CRABP2: variants seen among roughly 807,000 people sequenced by gnomAD.
CRABP2 encodes cellular retinoic acid binding protein 2.
A neutral mutation model predicts 17.9 loss-of-function variants in CRABP2; 20 were observed. The ratio of observed to expected loss-of-function variants is 1.12; its 90% confidence interval spans 0.79 to 1.63. CRABP2 has a LOEUF of 1.63. Among genes scored for constraint, CRABP2 ranks in the 40% most tolerant of loss-of-function variants. The pLI, the probability that CRABP2 is intolerant of heterozygous loss-of-function variation, is 0.00. For synonymous variants in CRABP2, 76 were observed against 66.4 expected (o/e 1.14, Z -0.70); for missense variants, 151 against 168.6 (o/e 0.90, Z 0.58).
chr1:156,702,168 A>T (rs1347792035), intron 1 of CRABP2, among the ~76,000 whole-genome samples: 1 of 151,558 alleles, frequency 6.6e-6, no homozygotes, highest in Non-Finnish European at 1.5e-5. Flanking sequence ...AAACAAAACA[A>T]AAGTCTGGGC....
At chr1:156,702,438 C>T (rs1174639759) in intron 1 of CRABP2, among the ~76,000 whole-genome samples, 3 of 151,470 alleles carry the variant, frequency 2.0e-5, no homozygotes, top group African/African-American at 7.3e-5. Flanking sequence ...GCCTGGGCGA[C>T]AAGGCGAGAC....
rs1304909861 is a variant in CRABP2 at position 156,700,608 on chromosome 1, G to A, written c.300C>T (p.Leu100=). ...SENKMVCEQK[L]LKGEGPKTSW... ...AGGTCTTGGGGCCCTCTCCCTTCAG[G>A]AGCTTCTGCTCACAGACCATTTTAT... is the stretch of plus-strand genomic sequence containing the variant. Residue 100 remains leucine (L), a synonymous_variant, in exon 3 of 4, where the codon CTC becomes CTT. Coordinates refer to ENST00000368222, the MANE Select transcript of CRABP2 (RefSeq NM_001878.4). The A allele has an allele frequency of 6.8e-6, 11 of 1,614,132 alleles. No individual in the cohort carries two copies. The highest frequency in any genetic ancestry group is 9.3e-6 in the Non-Finnish European group (11 of 1,180,006).
Position 156,705,531 on chromosome 1 carries a change from G to C in CRABP2, c.-85C>G. Reference sequence around the variant, plus strand: ...TTTAGTCAAAAGAGACGTCGCCGTCGCCGGGTCGTCAGGTTCTGGAACCAA... The same window carrying C: ...TTTAGTCAAAAGAGACGTCGCCGTCCCCGGGTCGTCAGGTTCTGGAACCAA... On this transcript the variant is annotated 5_prime_UTR_variant, in exon 1 of 4. Transcript: ENST00000368222. The surrounding 1 kb of genome is among the most constrained non-coding windows in gnomAD (Gnocchi z 5.2). The C allele has an allele frequency of 6.7e-7, 1 of 1,486,722 alleles. No homozygotes were observed. The highest frequency in any genetic ancestry group is 9.3e-7 in the Non-Finnish European group (1 of 1,073,576). 92.1% of individuals were successfully genotyped at this position (1,486,722 alleles called of 1,614,324 possible). A position where few individuals can be genotyped will look rare whatever the true frequency, so the allele number is the denominator to read the frequency against.
rs1415704676 is a variant in CRABP2, at chr1:156,699,855, A to G, written c.*171T>C. On this transcript the variant is annotated 3_prime_UTR_variant, in exon 4 of 4. Coordinates refer to ENST00000368222, the MANE Select transcript of CRABP2 (RefSeq NM_001878.4). ...TCTTTGTTGGTGTAGGGGAGGAGAG[A>G]AGAGGTCAAAGAAAGCAAGACCCTG... is the stretch of plus-strand genomic sequence containing the variant. 2 of 625,464 alleles carry G rather than the reference A, an allele frequency of 3.2e-6. No homozygotes were observed. The highest frequency in any genetic ancestry group is 5.6e-6 in the Non-Finnish European group (2 of 355,998). The allele number at this position is 625,464 out of a possible 1,614,324, so 38.7% of individuals were successfully genotyped here.
At position 156,699,843 on chromosome 1, in the gene CRABP2, A is replaced by T; in HGVS notation, c.*183T>A. On this transcript the variant is annotated 3_prime_UTR_variant, in exon 4 of 4. Transcript: ENST00000368222. ...TGCAGCCATTCCTCTTTGTTGGTGT[A>T]GGGGAGGAGAGAAGAGGTCAAAGAA... The T allele has an allele frequency of 1.7e-6, 1 of 587,784 alleles. No individual in the cohort carries two copies. The allele number at this position is 587,784 out of a possible 1,614,324, so 36.4% of individuals were successfully genotyped here.
Position 156,699,842 on chromosome 1 carries a change from T to C in CRABP2, c.*184A>G, listed in dbSNP as rs1354878307. On this transcript the variant is annotated 3_prime_UTR_variant, in exon 4 of 4. Transcript: ENST00000368222. Reference sequence around the variant, plus strand: ...TTGCAGCCATTCCTCTTTGTTGGTGTAGGGGAGGAGAGAAGAGGTCAAAGA... The same window carrying C: ...TTGCAGCCATTCCTCTTTGTTGGTGCAGGGGAGGAGAGAAGAGGTCAAAGA... 1 of 588,386 alleles carries C rather than the reference T, an allele frequency of 1.7e-6. No homozygotes were observed. Among genetic ancestry groups the C allele is most frequent in the Admixed American group, 2.9e-5 (1 of 34,910 alleles). The allele number at this position is 588,386 out of a possible 1,614,324, so 36.4% of individuals were successfully genotyped here.
rs148275466 is a variant in CRABP2 at position 156,701,037 on chromosome 1, A to G, written c.86T>C (p.Leu29Pro). Residue 29 changes from leucine to proline, a missense_variant, in exon 2 of 4, where the codon CTG becomes CCG. Transcript: ENST00000368222. The part of the protein sequence containing the change: ...LLKVLGVNVM[L>P]RKIAVAAASK... ...CGCTGCAGCCACAGCAATCTTCCTC[A>G]GCATCACATTCACCCCTGTGGGGAG... The G allele has an allele frequency of 4.8e-4, 779 of 1,613,992 alleles. 1 individual carries two copies. Among genetic ancestry groups the G allele is most frequent in the Non-Finnish European group, 6.2e-4 (726 of 1,180,016 alleles).
In CRABP2 at chr1:156,705,358, C is replaced by A. The variant is rs770917529; in HGVS notation, c.70+19G>T. 6 of 1,613,374 alleles carry A rather than the reference C, an allele frequency of 3.7e-6. No homozygotes were observed. The Admixed American group carries it at 1.0e-4, about 27-fold the overall frequency. On this transcript the variant is annotated intron_variant, in intron 1 of 3. Transcript: ENST00000368222. The surrounding 1 kb of genome is among the most constrained non-coding windows in gnomAD (Gnocchi z 5.2). ...AGAGCCCCCCCTTGCCCCACCTGGGCCCTCGAACATTTCCTTACCCAGCAC... is the reference window on the plus strand; with the variant it reads ...AGAGCCCCCCCTTGCCCCACCTGGGACCTCGAACATTTCCTTACCCAGCAC...
chr1:156,705,105 T>TC lies in CRABP2; in HGVS notation c.70+271dup, dbSNP rs1339670428. ...CCGGCCGCTGAGGCCAGCCTCCCCT[T>TC]CCCCCAGAGGCCAACCTCGCGCTTC... On this transcript the variant is annotated intron_variant, in intron 1 of 3. Transcript: ENST00000368222. This position sits in a 1 kb window ranked among gnomAD's most constrained non-coding sequence, Gnocchi z 5.2. Among the ~76,000 whole-genome samples the TC allele has an allele frequency of 6.6e-6, 1 of 152,102 alleles. No homozygotes were observed. The highest frequency in any genetic ancestry group is 1.5e-5 in the Non-Finnish European group (1 of 68,014).
chr1:156,704,892 G>A (rs1307941249), intron 1 of CRABP2, among the ~76,000 whole-genome samples: 2 of 151,986 alleles, frequency 1.3e-5, no homozygotes, highest in Admixed American at 6.6e-5. Context: ...GCAGAGCTGG[G>A]CGCCGAGGGG....
intron 1 of CRABP2, among the ~76,000 whole-genome samples, 155 bp from the exon 2 acceptor site, chr1:156,701,207 TGCCTTGAAGGA>T (rs1648022881): frequency 6.6e-6 from 1 of 151,980 alleles, no homozygotes; most frequent in South Asian, 2.1e-4. Context: ...TCTAAGAAAG[TGCCTTGAAGGA>T]GACGGTAGGC....
chr1:156,705,233 A>G lies in CRABP2; in HGVS notation c.70+144T>C. On this transcript the variant is annotated intron_variant, in intron 1 of 3. Transcript: ENST00000368222. This position sits in a 1 kb window ranked among gnomAD's most constrained non-coding sequence, Gnocchi z 5.2. ...TAGGCGTCGTGCCCAGAGCCCCGGG[A>G]CCCGGACGCCTGGCACGTTTTTCGG... 1 of 876,588 alleles carries G rather than the reference A, an allele frequency of 1.1e-6. No individual in the cohort carries two copies. The highest frequency in any genetic ancestry group is 1.9e-6 in the Non-Finnish European group (1 of 539,852). 54.3% of individuals were successfully genotyped at this position (876,588 alleles called of 1,614,324 possible). A position where few individuals can be genotyped will look rare whatever the true frequency, so the allele number is the denominator to read the frequency against.
chr1:156,705,716 T>A, upstream of CRABP2: 1 of 445,050 alleles, frequency 2.2e-6, no homozygotes, highest in Admixed American at 3.4e-5. The surrounding 1 kb of genome is among the most constrained non-coding windows in gnomAD (Gnocchi z 5.2). Context: ...AACCTCTGGA[T>A]CTAGCCCGCG....
intron 2 of CRABP2, 46 bp downstream of exon 2, chr1:156,700,828 G>A (rs745352953): frequency 1.1e-5 from 18 of 1,590,460 alleles, no homozygotes; most frequent in Non-Finnish European, 1.5e-5. Context: ...CAGGTTGAGA[G>A]GCAGGGCAAT....
In CRABP2 at chr1:156,699,958, G is replaced by T. The variant is rs912371530; in HGVS notation, c.*68C>A. 14 of 1,522,942 alleles carry T rather than the reference G, an allele frequency of 9.2e-6. 1 individual carries two copies. In the Middle Eastern group the frequency reaches 1.1e-3, roughly 117 times the overall value. The allele number at this position is 1,522,942 out of a possible 1,614,324, so 94.3% of individuals were successfully genotyped here. ...CCTAGAAGGAGGGGGTGGGACGGAG[G>T]GGGCAGTGAAGCAGGGCGGTGAGCA... On this transcript the variant is annotated 3_prime_UTR_variant, in exon 4 of 4. Coordinates refer to ENST00000368222, the MANE Select transcript of CRABP2 (RefSeq NM_001878.4).
intron 1 of CRABP2, among the ~76,000 whole-genome samples, 169 bp from the exon 2 acceptor site, chr1:156,701,221 C>T (rs78750032): frequency 0.022 from 3,335 of 152,168 alleles, 52 homozygotes; most frequent in Non-Finnish European, 0.035. Flanking sequence ...TTGAAGGAGA[C>T]GGTAGGCGGT....
intron 2 of CRABP2, 72 bp downstream of exon 2, chr1:156,700,801 GC>G: frequency 6.4e-7 from 1 of 1,558,296 alleles, no homozygotes; most frequent in Non-Finnish European, 8.8e-7. Flanking sequence ...GGAGTTAACT[GC>G]TAGCCTGGAA....
At chr1:156,705,584 G>A, upstream of CRABP2, 1 of 909,572 alleles carries the variant, frequency 1.1e-6, no homozygotes, top group Non-Finnish European at 1.7e-6. This position sits in a 1 kb window ranked among gnomAD's most constrained non-coding sequence, Gnocchi z 5.2. Context: ...CCCCAAAGCT[G>A]GCCTGGGCTC....
rs1198933859 is a variant in CRABP2 at position 156,700,868 on chromosome 1, A to G, written c.249+6T>C. On this transcript the variant is annotated splice_donor_region_variant and intron_variant, in intron 2 of 3. Coordinates refer to ENST00000368222, the MANE Select transcript of CRABP2 (RefSeq NM_001878.4). ...CCATGACCCTGGAGCCCCTTCTGGC[A>G]CTCACCTTACAGGGCCTCCCATCCA... The G allele has an allele frequency of 6.2e-7, 1 of 1,612,658 alleles. No homozygotes were observed.
Sources: gnomAD v4.1 joint callset for allele counts (sites outside exome capture counted in the v4.1 genomes callset) on GRCh38, gnomAD v4.1.1 for gene constraint, Gnocchi (gnomAD v3.1) non-coding constraint, MANE v1.5 for transcripts, NCBI Gene and HGNC (gene_info 2026-07-23, HGNC 2026-07-21) for gene names.